SYNE1: variants seen among roughly 807,000 people sequenced by gnomAD.
SYNE1 encodes the protein spectrin repeat containing nuclear envelope protein 1.
In SYNE1, 616 loss-of-function variants were observed where a neutral mutation model predicts 1,111.0. The observed-to-expected ratio is 0.55, with a 90% confidence interval of 0.52 to 0.59. The LOEUF (loss-of-function observed/expected upper bound fraction) is 0.59. Ranked by LOEUF, SYNE1 falls within the 20% of genes least tolerant of loss-of-function variation. The pLI is 0.00. For missense variants in SYNE1, 10,006 were observed against 10,417.0 expected, an observed-to-expected ratio of 0.96 and a Z score of 1.72; for synonymous variants, 3,855 against 3,825.8, an observed-to-expected ratio of 1.01 and a Z score of -0.28.
chr6:152,575,616 G>T (rs2099493255), intron 3 of SYNE1, among the ~76,000 whole-genome samples: 1 of 152,162 alleles, frequency 6.6e-6, no homozygotes. Context: ...TTTTAAGATT[G>T]TGGAGTCAAC....
At chr6:152,397,939 T>C (rs2097761105) in intron 49 of SYNE1, among the ~76,000 whole-genome samples, 1 of 150,666 alleles carries the variant, frequency 6.6e-6, no homozygotes, top group African/African-American at 2.4e-5. Flanking sequence ...AGGTGGAGGT[T>C]GCAGTAAGCT....
At chr6:152,399,498 A>C (rs748296232) in intron 48 of SYNE1, 118 bp downstream of exon 48, 3 of 1,245,074 alleles carry the variant, frequency 2.4e-6, no homozygotes, top group Non-Finnish European at 3.5e-6. Context: ...GCACAAACAA[A>C]TTTGAAATGA....
intron 3 of SYNE1, among the ~76,000 whole-genome samples, chr6:152,596,911 G>A (rs1283776305): frequency 2.0e-5 from 3 of 152,130 alleles, no homozygotes; most frequent in Non-Finnish European, 2.9e-5. Context: ...ACAGACAAAG[G>A]CACAAGCAAA....
chr6:152,570,133 T>C (rs746122224), intron 3 of SYNE1, among the ~76,000 whole-genome samples: 1 of 152,230 alleles, frequency 6.6e-6, no homozygotes, highest in South Asian at 2.1e-4. Context: ...ATGTTAATAA[T>C]AACTAAATAG....
Position 152,427,727 on chromosome 6 carries a change from C to G in SYNE1, c.5066G>C (p.Arg1689Thr), listed in dbSNP as rs2154197754. The G allele has an allele frequency of 1.2e-6, 2 of 1,614,154 alleles. No individual in the cohort carries two copies. The highest frequency in any genetic ancestry group is 1.7e-6 in the Non-Finnish European group (2 of 1,180,040). The change falls in exon 38 of 146, where the codon AGA becomes ACA. Residue 1689 changes from arginine to threonine, a missense_variant. This residue lies in a region of SYNE1 where 1,971 missense variants were observed against 2,084.1 expected (regional missense o/e 0.95). Transcript: ENST00000367255. ...SSPEMDISAD[R>T]VKVEGELQLI... ...CTGAAGTTCACCTTCCACTTTGACTCTGTCTGCAGAAATGTCCATTTCTGG... is the reference window on the plus strand; with the variant it reads ...CTGAAGTTCACCTTCCACTTTGACTGTGTCTGCAGAAATGTCCATTTCTGG...
intron 74 of SYNE1, among the ~76,000 whole-genome samples, chr6:152,340,777 A>G (rs1015882468): frequency 6.6e-6 from 1 of 152,234 alleles, no homozygotes; most frequent in East Asian, 1.9e-4. Context: ...ACAGGCTTTC[A>G]AAGACTCCCT....
rs763527343 is a variant in SYNE1, at chr6:152,505,301, G to T, written c.678C>A (p.Asp226Glu). 5 of 1,613,980 alleles carry T rather than the reference G, an allele frequency of 3.1e-6. No homozygotes were observed. Among genetic ancestry groups the T allele is most frequent in the Non-Finnish European group, 4.2e-6 (5 of 1,180,020 alleles). ...VIHAIRPELV[D>E]LETVKGRSNR... is the part of the protein sequence containing the mutation. ...TGGATCTGCCTTTCACTGTCTCCAA[G>T]TCCACCAATTCCGGTCGAATGGCAT... Residue 226 changes from aspartate to glutamate, a missense_variant, in exon 9 of 146, where the codon GAC (aspartate) becomes GAA (glutamate). Around this residue, in one of 7 missense-constraint regions of SYNE1, gnomAD observed 1,971 missense variants for 2,084.1 expected, o/e 0.95. Transcript: ENST00000367255.
At position 152,325,144 on chromosome 6, in the gene SYNE1, G is replaced by T; in HGVS notation, c.15597C>A (p.Ala5199=). 1 of 1,614,072 alleles carries T rather than the reference G, an allele frequency of 6.2e-7. No individual in the cohort carries two copies. The change falls in exon 81 of 146, where the codon GCC becomes GCA. Residue 5199 remains alanine, a synonymous_variant. Transcript: ENST00000367255. ...WQRWTRLRAV[A]QDQEKILEDA... ...CTTCCAGGATCTTCTCCTGGTCCTG[G>T]GCCACAGCTCGAAGGCGTGTCCAGC...
At chr6:152,244,130 A>G (rs2086484344) in intron 106 of SYNE1, among the ~76,000 whole-genome samples, 1 of 152,216 alleles carries the variant, frequency 6.6e-6, no homozygotes, top group South Asian at 2.1e-4. Context: ...CTTTCTACAA[A>G]GTATTACTTT....
rs779743277 is a variant in SYNE1 at position 152,498,760 on chromosome 6, A to C, written c.921T>G (p.Asn307Lys). ...ATCTTACCTTAAAATTTTGTACAGAATTTGCAAAAGATGGGAAACCTGGAA... is the reference window on the plus strand; with the variant it reads ...ATCTTACCTTAAAATTTTGTACAGACTTTGCAAAAGATGGGAAACCTGGAA... Reference protein sequence around the residue: ...EILPGFPSFANSVQNFKREDR... With the variant: ...EILPGFPSFAKSVQNFKREDR... The change falls in exon 11 of 146, where the codon AAT becomes AAG. Residue 307 changes from asparagine to lysine, a missense_variant. This residue lies in a region of SYNE1 where 1,971 missense variants were observed against 2,084.1 expected (regional missense o/e 0.95). Transcript: ENST00000367255. 3.2e-6 allele frequency: 5 copies of C among 1,557,852 alleles called. No individual in the cohort carries two copies. In the South Asian group the frequency reaches 6.0e-5, roughly 19 times the overall value.
At chr6:152,631,910 T>C (rs1348989881) in intron 2 of SYNE1, among the ~76,000 whole-genome samples, 1 of 152,168 alleles carries the variant, frequency 6.6e-6, no homozygotes, top group Non-Finnish European at 1.5e-5. Context: ...GAGCAATTTC[T>C]TCATTACCCC....
At chr6:152,223,644 A>C (rs2080781206) in intron 117 of SYNE1, among the ~76,000 whole-genome samples, 1 of 145,014 alleles carries the variant, frequency 6.9e-6, no homozygotes, top group Non-Finnish European at 1.5e-5. Context: ...AGGGGAGGGA[A>C]GGAGAGGGGA....
chr6:152,156,791 G>T (rs1198617566), intron 131 of SYNE1, among the ~76,000 whole-genome samples: 1 of 151,988 alleles, frequency 6.6e-6, no homozygotes, highest in Non-Finnish European at 1.5e-5. Flanking sequence ...GCATGTGCTA[G>T]ACCTGGCACT....
In SYNE1 at chr6:152,442,122, G is replaced by C. The variant is rs760594415; in HGVS notation, c.3961C>G (p.Leu1321Val). Residue 1321 changes from leucine (L) to valine (V), a missense_variant, in exon 31 of 146, where the codon CTG (leucine) becomes GTG (valine). Transcript: ENST00000367255. Reference protein sequence around the residue: ...HEELRKLESTLDGLERSRERQ... With the variant: ...HEELRKLESTVDGLERSRERQ... Reference sequence around the variant, plus strand: ...TCCCGGCTGCGCTCCAGGCCATCCAGTGTGCTCTCCAGCTTCCGCAGCTCC... The same window carrying C: ...TCCCGGCTGCGCTCCAGGCCATCCACTGTGCTCTCCAGCTTCCGCAGCTCC... 2 of 1,614,082 alleles carry C rather than the reference G, an allele frequency of 1.2e-6. No homozygotes were observed. The highest frequency in any genetic ancestry group is 1.7e-6 in the Non-Finnish European group (2 of 1,180,034).
chr6:152,161,337 C>G (rs2062456924), intron 131 of SYNE1, among the ~76,000 whole-genome samples: 1 of 147,312 alleles, frequency 6.8e-6, no homozygotes. Flanking sequence ...TTTTTTTTAG[C>G]AGGGGACTTT....
intron 130 of SYNE1, 76 bp downstream of exon 130, chr6:152,176,318 T>C (rs1481785965): frequency 6.3e-7 from 1 of 1,589,960 alleles, no homozygotes; most frequent in African/African-American, 1.3e-5. Context: ...TTGGATTATC[T>C]TTGGCTGATG....
At chr6:152,216,750 G>A (rs1287657414) in intron 121 of SYNE1, among the ~76,000 whole-genome samples, 13 of 152,110 alleles carry the variant, frequency 8.5e-5, no homozygotes, top group Admixed American at 8.5e-4. Flanking sequence ...TTACTTGATT[G>A]AATATTTAAA....
chr6:152,618,762 T>A (rs2099668056), intron 3 of SYNE1, among the ~76,000 whole-genome samples: 1 of 152,210 alleles, frequency 6.6e-6, no homozygotes, highest in Admixed American at 6.5e-5. Context: ...TGTACATGGA[T>A]AATTTGAAAC....
intron 131 of SYNE1, among the ~76,000 whole-genome samples, chr6:152,161,078 G>T (rs571481812): frequency 3.5e-4 from 53 of 150,798 alleles, no homozygotes; most frequent in African/African-American, 1.0e-3. Context: ...TAACAATAAT[G>T]CGAGAGTTTC....
Sources: allele counts gnomAD v4.1 joint callset (sites outside exome capture counted in the v4.1 genomes callset), GRCh38; gene constraint gnomAD v4.1.1; regional missense constraint gnomAD v4.1.1; transcripts MANE v1.5; gene names NCBI Gene and HGNC (gene_info 2026-07-23, HGNC 2026-07-21).